The following HRH1 variants were observed in gnomAD, a reference collection of about 807,000 sequenced individuals.
HRH1 encodes histamine H1 receptor.
HRH1 carries 6 observed loss-of-function variants against 10.3 expected under a neutral mutation model. That is an observed-to-expected ratio of 0.58 (90% CI 0.32 to 1.15). The LOEUF (loss-of-function observed/expected upper bound fraction) is 1.15, where lower values mean the gene tolerates loss of function less well. Ranked by LOEUF, HRH1 falls within the 50% of genes most tolerant of loss-of-function variation. The probability of loss-of-function intolerance (pLI) is 0.05; values close to 1 mark genes in which losing one functional copy is unlikely to be tolerated. For missense variants in HRH1, 514 were observed against 615.3 expected (o/e 0.84, Z 1.74); for synonymous variants, 242 against 236.7 (o/e 1.02, Z -0.21).
intron 1 of HRH1, among the ~76,000 whole-genome samples, chr3:11,168,789 C>T (rs1468552457): frequency 1.3e-5 from 2 of 152,210 alleles, no homozygotes; most frequent in Non-Finnish European, 2.9e-5. Flanking sequence ...TGGGGTTTAC[C>T]CCATGGATTT....
chr3:11,192,614 T>C (rs954644045), intron 1 of HRH1, among the ~76,000 whole-genome samples: 1 of 152,102 alleles, frequency 6.6e-6, no homozygotes, highest in Non-Finnish European at 1.5e-5. Context: ...TCAATAAGAG[T>C]AATCACTTGC....
chr3:11,199,833 G>A (rs2125026615), intron 1 of HRH1, among the ~76,000 whole-genome samples: 1 of 152,262 alleles, frequency 6.6e-6, no homozygotes, highest in East Asian at 1.9e-4. Context: ...ATTTGGGTTG[G>A]TTCATATGAT....
At chr3:11,209,057 G>T (rs549636662) in intron 1 of HRH1, among the ~76,000 whole-genome samples, 1 of 152,286 alleles carries the variant, frequency 6.6e-6, no homozygotes, top group East Asian at 1.9e-4. Flanking sequence ...GCCCAATCAA[G>T]AAATACTTAT....
Position 11,149,068 on chromosome 3 carries a change from G to A in HRH1, c.-36+11669G>A, listed in dbSNP as rs1936536785. Among the ~76,000 whole-genome samples, 3 of 152,108 alleles carry A rather than the reference G, an allele frequency of 2.0e-5. No individual in the cohort carries two copies. In the South Asian group the frequency reaches 6.2e-4, roughly 32 times the overall value. On this transcript the variant is annotated intron_variant, in intron 1 of 1. Coordinates refer to the HRH1 transcript ENST00000438284. The stretch of plus-strand genomic sequence containing the variant: ...TGCATGCTCTGTGGTCAATAGCACG[G>A]TTCTCTGCCCACAGCAGGCCTCCGC...
In HRH1 at chr3:11,259,140, A is replaced by C; in HGVS notation, c.103A>C (p.Ser35Arg). 3 of 1,614,062 alleles carry C rather than the reference A, an allele frequency of 1.9e-6. No homozygotes were observed. The highest frequency in any genetic ancestry group is 2.5e-6 in the Non-Finnish European group (3 of 1,180,030). ...PQLMPLVVVL[S>R]TICLVTVGLN... ...GCTGATGCCCCTGGTGGTGGTCCTG[A>C]GCACTATCTGCTTGGTCACAGTAGG... The change falls in exon 2 of 2, where the codon AGC becomes CGC. Residue 35 changes from serine to arginine, a missense_variant. Transcript: ENST00000431010. The surrounding 1 kb of genome is among the most constrained non-coding windows in gnomAD (Gnocchi z 4.6).
At chr3:11,238,581 C>A (rs1015983343) in intron 1 of HRH1, among the ~76,000 whole-genome samples, 2 of 152,198 alleles carry the variant, frequency 1.3e-5, no homozygotes, top group African/African-American at 4.8e-5. Flanking sequence ...TTCACCCATT[C>A]TAAGTGAATC....
rs571893155 is a variant in HRH1 at position 11,244,581 on chromosome 3, T to G, written c.-35-14422T>G. Among the ~76,000 whole-genome samples, 4 of 152,352 alleles carry G rather than the reference T, an allele frequency of 2.6e-5. No homozygotes were observed. In the South Asian group the frequency reaches 6.2e-4, roughly 24 times the overall value. On this transcript the variant is annotated intron_variant, in intron 1 of 1. Coordinates refer to ENST00000431010, the MANE Select transcript of HRH1 (RefSeq NM_001098212.2). ...ACCTCATGTATGCCAGACACTGTACTAGGTGCTTTATCTAAAACCAACGTT... is the reference window on the plus strand; with the variant it reads ...ACCTCATGTATGCCAGACACTGTACGAGGTGCTTTATCTAAAACCAACGTT...
chr3:11,188,831 C>T (rs896338280), intron 1 of HRH1, among the ~76,000 whole-genome samples: 10 of 152,142 alleles, frequency 6.6e-5, no homozygotes, highest in African/African-American at 2.4e-4. Context: ...ACGGCATCAT[C>T]CTAATTTTAG....
intron 1 of HRH1, among the ~76,000 whole-genome samples, chr3:11,175,469 C>G (rs1225699844): frequency 1.3e-5 from 2 of 152,124 alleles, no homozygotes; most frequent in African/African-American, 2.4e-5. Context: ...CCCAGTGTCC[C>G]TTTTATAACA....
At chr3:11,170,463 G>A (rs1487679528) in intron 1 of HRH1, among the ~76,000 whole-genome samples, 1 of 152,260 alleles carries the variant, frequency 6.6e-6, no homozygotes, top group Non-Finnish European at 1.5e-5. Flanking sequence ...GAAGATAAAT[G>A]GGGACGAGGC....
chr3:11,209,923 G>A (rs1008083282), intron 1 of HRH1, among the ~76,000 whole-genome samples: 2 of 152,196 alleles, frequency 1.3e-5, no homozygotes, highest in Admixed American at 1.3e-4. Context: ...TGGCATTAGG[G>A]ACCTTGTCTT....
At chr3:11,215,545 A>G (rs1938460635) in intron 1 of HRH1, among the ~76,000 whole-genome samples, 1 of 152,184 alleles carries the variant, frequency 6.6e-6, no homozygotes, top group Non-Finnish European at 1.5e-5. Flanking sequence ...GGCTGACGCC[A>G]TTCTCCTGCC....
chr3:11,225,846 G>A (rs1017406368), intron 1 of HRH1, among the ~76,000 whole-genome samples: 3 of 152,184 alleles, frequency 2.0e-5, no homozygotes, highest in East Asian at 1.9e-4. Context: ...CACCGCACCC[G>A]ACCACAACCC....
chr3:11,202,174 G>C (rs1204268283), intron 1 of HRH1, among the ~76,000 whole-genome samples: 1 of 152,140 alleles, frequency 6.6e-6, no homozygotes, highest in Non-Finnish European at 1.5e-5. Flanking sequence ...GAGGCCAAGG[G>C]GGGCAGATCA....
chr3:11,194,608 G>T (rs185162729), intron 1 of HRH1, among the ~76,000 whole-genome samples: 1 of 152,198 alleles, frequency 6.6e-6, no homozygotes, highest in Non-Finnish European at 1.5e-5. Context: ...TGGGTCAGGA[G>T]TTCGAGACCA....
In HRH1 at chr3:11,259,913, G is replaced by T; in HGVS notation, c.876G>T (p.Glu292Asp). The change falls in exon 2 of 2, where the codon GAG (glutamate) becomes GAT (aspartate). Residue 292 changes from glutamate to aspartate, a missense_variant. Coordinates refer to ENST00000431010, the MANE Select transcript of HRH1 (RefSeq NM_001098212.2). This position sits in a 1 kb window ranked among gnomAD's most constrained non-coding sequence, Gnocchi z 4.6. Reference protein sequence around the residue: ...EMKSPVVFSQEDDREVDKLYC... With the variant: ...EMKSPVVFSQDDDREVDKLYC... The stretch of plus-strand genomic sequence containing the variant: ...AATCCCCAGTTGTCTTCAGCCAAGA[G>T]GATGATAGAGAAGTAGACAAACTCT... 1 of 1,614,182 alleles carries T rather than the reference G, an allele frequency of 6.2e-7. No homozygotes were observed. Among genetic ancestry groups the T allele is most frequent in the Non-Finnish European group, 8.5e-7 (1 of 1,180,038 alleles).
In HRH1 at chr3:11,263,298, G is replaced by A. The variant is rs560978057; in HGVS notation, c.*2797G>A. 32 of 167,226 alleles carry A rather than the reference G, an allele frequency of 1.9e-4. No homozygotes were observed. The highest frequency in any genetic ancestry group is 6.3e-4 in the African/African-American group (26 of 41,582). The allele number at this position is 167,226 out of a possible 1,614,324, so 10.4% of individuals were successfully genotyped here. ...CTGACCTCTTTTGAAGATGGGCACT[G>A]CATGGACTTCCAGGAGGTGGATTTA... On this transcript the variant is annotated 3_prime_UTR_variant, in exon 2 of 2. Coordinates refer to ENST00000431010, the MANE Select transcript of HRH1 (RefSeq NM_001098212.2).
At chr3:11,194,532 T>C (rs1396584684) in intron 1 of HRH1, among the ~76,000 whole-genome samples, 1 of 152,222 alleles carries the variant, frequency 6.6e-6, no homozygotes, top group African/African-American at 2.4e-5. Flanking sequence ...TAATAACTTT[T>C]AAAGTCAGCT....
chr3:11,230,561 A>G (rs1404492966), intron 1 of HRH1, among the ~76,000 whole-genome samples: 4 of 152,240 alleles, frequency 2.6e-5, no homozygotes, highest in Non-Finnish European at 5.9e-5. Flanking sequence ...TTCGTGGGCC[A>G]ACAGCATGAG....
Sources: allele counts gnomAD v4.1 joint callset (sites outside exome capture counted in the v4.1 genomes callset), GRCh38; gene constraint gnomAD v4.1.1; non-coding constraint Gnocchi (gnomAD v3.1); transcripts MANE v1.5; gene names NCBI Gene and HGNC (gene_info 2026-07-23, HGNC 2026-07-21).